TMEM132B: variants seen among roughly 807,000 people sequenced by gnomAD.
TMEM132B encodes transmembrane protein 132B.
Under a neutral mutation model 90.8 loss-of-function variants are expected in TMEM132B, and 18 were observed. The ratio of observed to expected loss-of-function variants is 0.20; its 90% confidence interval spans 0.14 to 0.29. TMEM132B has a LOEUF of 0.29. Among genes scored for constraint, TMEM132B ranks in the 10% least tolerant of loss-of-function variants. The pLI, the probability that TMEM132B is intolerant of heterozygous loss-of-function variation, is 1.00. For synonymous variants in TMEM132B, 504 were observed against 523.3 expected (o/e 0.96, Z 0.50); for missense variants, 1,096 against 1,326.8 (o/e 0.83, Z 2.70).
chr12:125,458,787 G>T lies in TMEM132B; in HGVS notation c.1106+43110G>T, dbSNP rs1881362415. Among the ~76,000 whole-genome samples the T allele has an allele frequency of 1.3e-5, 2 of 152,224 alleles. No individual in the cohort carries two copies. The highest frequency in any genetic ancestry group is 2.9e-5 in the Non-Finnish European group (2 of 68,046). ...ACACTCAGCATCTGAGGACAAATGA[G>T]AGTAGATGTTGGGGTCCTGTACACA... On this transcript the variant is annotated intron_variant, in intron 3 of 8. Coordinates refer to ENST00000682704, the MANE Select transcript of TMEM132B (RefSeq NM_001366854.1). The surrounding 1 kb of genome is among the most constrained non-coding windows in gnomAD (Gnocchi z 4.9).
chr12:125,356,994 G>GCAGGC (rs1877796120), intron 2 of TMEM132B, among the ~76,000 whole-genome samples: 1 of 152,188 alleles, frequency 6.6e-6, no homozygotes, highest in Non-Finnish European at 1.5e-5. Context: ...CTCCATAAGG[G>GCAGGC]CAGGGACCTT....
intron 1 of TMEM132B, among the ~76,000 whole-genome samples, chr12:125,317,191 C>T (rs1351526281): frequency 6.6e-6 from 1 of 151,568 alleles, no homozygotes; most frequent in Non-Finnish European, 1.5e-5. Context: ...GTTTCCTCCT[C>T]AGATGGAGCT....
rs114510601 is a variant in TMEM132B at position 125,238,624 on chromosome 12, C to A, written c.67+51758C>A. ...CTCAATTTTTGAGAAACATTTTGTT[C>A]GGAAAGCTCCGAAGGCCAGAGAAAT... On this transcript the variant is annotated intron_variant, in intron 1 of 8. Coordinates refer to ENST00000682704, the MANE Select transcript of TMEM132B (RefSeq NM_001366854.1). Among the ~76,000 whole-genome samples, 731 of 152,226 alleles carry A rather than the reference C, an allele frequency of 4.8e-3. 6 individuals are homozygous for A. Among genetic ancestry groups the A allele is most frequent in the African/African-American group, 0.017 (691 of 41,522 alleles).
intron 1 of TMEM132B, among the ~76,000 whole-genome samples, chr12:125,319,978 T>C (rs934324009): frequency 6.6e-6 from 1 of 151,918 alleles, no homozygotes; most frequent in African/African-American, 2.4e-5. Context: ...GATTGTGCCA[T>C]TGCACGCCGG....
Position 125,661,326 on chromosome 12 carries a change from A to G in TMEM132B, c.*6616A>G, listed in dbSNP as rs1887201342. The G allele has an allele frequency of 6.6e-6, 1 of 152,200 alleles. No homozygotes were observed. The highest frequency in any genetic ancestry group is 2.1e-4 in the South Asian group (1 of 4,830). 9.4% of individuals were successfully genotyped at this position (152,200 alleles called of 1,614,324 possible). A position where few individuals can be genotyped will look rare whatever the true frequency, so the allele number is the denominator to read the frequency against. ...GTAGAAGCATTTTCCATTTCCATGA[A>G]TATTACAGGCTGAGAAGGAGCACAC... On this transcript the variant is annotated 3_prime_UTR_variant, in exon 9 of 9. Transcript: ENST00000682704.
intron 1 of TMEM132B, among the ~76,000 whole-genome samples, chr12:125,294,175 A>AT (rs1199148438): frequency 6.6e-6 from 1 of 152,188 alleles, no homozygotes; most frequent in African/African-American, 2.4e-5. Context: ...CCTGATCTGA[A>AT]TTCCCATTTC....
rs1887021746 is a variant in TMEM132B, at chr12:125,654,843, C to A, written c.*133C>A. ...AGGTCTGGTGGGATTCATTTCTAAGCAGGTAAAAGAGGTTTGGAGAGCTAT... is the reference window on the plus strand; with the variant it reads ...AGGTCTGGTGGGATTCATTTCTAAGAAGGTAAAAGAGGTTTGGAGAGCTAT... On this transcript the variant is annotated 3_prime_UTR_variant, in exon 9 of 9. Coordinates refer to ENST00000682704, the MANE Select transcript of TMEM132B (RefSeq NM_001366854.1). This position sits in a 1 kb window ranked among gnomAD's most constrained non-coding sequence, Gnocchi z 5.8. 2.7e-6 allele frequency: 3 copies of A among 1,109,278 alleles called. No homozygotes were observed. The highest frequency in any genetic ancestry group is 1.6e-5 in the African/African-American group (1 of 63,196). 68.7% of individuals were successfully genotyped at this position (1,109,278 alleles called of 1,614,324 possible). A position where few individuals can be genotyped will look rare whatever the true frequency, so the allele number is the denominator to read the frequency against.
At chr12:125,482,193 G>A (rs1882061667) in intron 3 of TMEM132B, among the ~76,000 whole-genome samples, 2 of 152,166 alleles carry the variant, frequency 1.3e-5, no homozygotes, top group African/African-American at 4.8e-5. Flanking sequence ...CATAGGCATG[G>A]ACAAGGACTT....
Position 125,660,192 on chromosome 12 carries a change from T to G in TMEM132B, c.*5482T>G, listed in dbSNP as rs1887173056. On this transcript the variant is annotated 3_prime_UTR_variant, in exon 9 of 9. Coordinates refer to ENST00000682704, the MANE Select transcript of TMEM132B (RefSeq NM_001366854.1). ...TGAACCTGAGAGGTGAAGGTTGTAGTGAGCCAAGATCGTACCACTGCACTC... is the reference window on the plus strand; with the variant it reads ...TGAACCTGAGAGGTGAAGGTTGTAGGGAGCCAAGATCGTACCACTGCACTC... The G allele has an allele frequency of 6.6e-6, 1 of 152,196 alleles. No homozygotes were observed. The highest frequency in any genetic ancestry group is 2.4e-5 in the African/African-American group (1 of 41,432). 9.4% of individuals were successfully genotyped at this position (152,196 alleles called of 1,614,324 possible).
At chr12:125,550,052 T>TG (rs1884184595) in intron 4 of TMEM132B, among the ~76,000 whole-genome samples, 1 of 152,196 alleles carries the variant, frequency 6.6e-6, no homozygotes, top group Non-Finnish European at 1.5e-5. Flanking sequence ...AGGGACAGTG[T>TG]GGGGCACATC....
At chr12:125,392,330 A>G (rs1879048670) in intron 2 of TMEM132B, among the ~76,000 whole-genome samples, 2 of 152,140 alleles carry the variant, frequency 1.3e-5, no homozygotes, top group Non-Finnish European at 2.9e-5. Context: ...GGAGATATGT[A>G]TTTAGTGCTT....
At chr12:125,451,120 T>C (rs1220983484) in intron 3 of TMEM132B, among the ~76,000 whole-genome samples, 1 of 152,210 alleles carries the variant, frequency 6.6e-6, no homozygotes, top group East Asian at 1.9e-4. Flanking sequence ...CATGAGATCC[T>C]GTCCTGGGGA....
rs936840208 is a variant in TMEM132B, at chr12:125,246,879, C to G, written c.67+60013C>G. On this transcript the variant is annotated intron_variant, in intron 1 of 8. Transcript: ENST00000682704. The surrounding 1 kb of genome is among the most constrained non-coding windows in gnomAD (Gnocchi z 4.2). ...GACACCATTTGGGGTTTCAGCATTT[C>G]ATCACATTTCCCACCGGGAGAGCCT... Among the ~76,000 whole-genome samples, 4 of 151,894 alleles carry G rather than the reference C, an allele frequency of 2.6e-5. No homozygotes were observed. Among genetic ancestry groups the G allele is most frequent in the Non-Finnish European group, 5.9e-5 (4 of 67,986 alleles).
intron 1 of TMEM132B, among the ~76,000 whole-genome samples, chr12:125,324,374 G>A (rs560223592): frequency 1.3e-5 from 2 of 152,330 alleles, no homozygotes; most frequent in East Asian, 1.9e-4. Context: ...GGTGTGTCAC[G>A]TCACGCGTGT....
intron 2 of TMEM132B, among the ~76,000 whole-genome samples, chr12:125,401,172 C>T (rs58300309): frequency 0.02 from 3,000 of 152,264 alleles, 104 homozygotes; most frequent in African/African-American, 0.064. Context: ...GTCTCATATT[C>T]GTGGGACATC....
rs771714351 is a variant in TMEM132B, at chr12:125,460,633, G to A, written c.1106+44956G>A. ...ACTGCTCAACCGTTTGAGTATCTGC[G>A]GCCTTTTCATTGTTCTCAGCCCATA... On this transcript the variant is annotated intron_variant, in intron 3 of 8. Transcript: ENST00000682704. The surrounding 1 kb of genome is among the most constrained non-coding windows in gnomAD (Gnocchi z 4.4). Among the ~76,000 whole-genome samples the A allele has an allele frequency of 6.6e-6, 1 of 152,098 alleles. No homozygotes were observed. The highest frequency in any genetic ancestry group is 1.5e-5 in the Non-Finnish European group (1 of 68,024).
At chr12:125,503,486 T>C (rs1343576832) in intron 3 of TMEM132B, among the ~76,000 whole-genome samples, 1 of 152,218 alleles carries the variant, frequency 6.6e-6, no homozygotes, top group African/African-American at 2.4e-5. Context: ...CATCGTTATT[T>C]GAAATAGTTT....
Position 125,429,913 on chromosome 12 carries a change from G to A in TMEM132B, c.1106+14236G>A, listed in dbSNP as rs143744641. The stretch of plus-strand genomic sequence containing the variant: ...ACTCTTTGCAAGGAGGGCACAGTGC[G>A]TGCAGCCCACGCTGAAGGGGTGGGG... On this transcript the variant is annotated intron_variant, in intron 3 of 8. Transcript: ENST00000682704. Among the ~76,000 whole-genome samples, 476 of 152,260 alleles carry A rather than the reference G, an allele frequency of 3.1e-3. 2 individuals carry two copies. The highest frequency in any genetic ancestry group is 0.01 in the African/African-American group (425 of 41,534).
At chr12:125,216,770 G>C (rs1362449594) in intron 1 of TMEM132B, among the ~76,000 whole-genome samples, 1 of 152,166 alleles carries the variant, frequency 6.6e-6, no homozygotes, top group African/African-American at 2.4e-5. Flanking sequence ...TGCAGCCGTG[G>C]GGACTTGGAG....
Sources: gnomAD v4.1 joint callset for allele counts (sites outside exome capture counted in the v4.1 genomes callset) on GRCh38, gnomAD v4.1.1 for gene constraint, Gnocchi (gnomAD v3.1) non-coding constraint, MANE v1.5 for transcripts, NCBI Gene and HGNC (gene_info 2026-07-23, HGNC 2026-07-21) for gene names.